EIF4G3: variants seen among roughly 807,000 people sequenced by gnomAD.
EIF4G3 encodes eIF-4-gamma 3.
In EIF4G3, 34 loss-of-function variants were observed where a neutral mutation model predicts 186.4. That is an observed-to-expected ratio of 0.18 (90% CI 0.14 to 0.24). The LOEUF is 0.24. EIF4G3 is among the 10% of genes least tolerant of loss of function. The pLI is 1.00. For synonymous variants in EIF4G3, 673 were observed against 679.5 expected, an observed-to-expected ratio of 0.99 and a Z score of 0.15; for missense variants, 1,536 against 1,948.5, an observed-to-expected ratio of 0.79 and a Z score of 3.99.
At chr1:20,943,724 C>T (rs889035968) in intron 13 of EIF4G3, among the ~76,000 whole-genome samples, 2 of 152,126 alleles carry the variant, frequency 1.3e-5, no homozygotes, top group Admixed American at 6.5e-5. Context: ...AGCAAATATG[C>T]AGTTTATCAG....
intron 4 of EIF4G3, among the ~76,000 whole-genome samples, chr1:21,047,165 C>G (rs965214768): frequency 6.6e-6 from 1 of 151,992 alleles, no homozygotes; most frequent in African/African-American, 2.4e-5. Context: ...GCCTATAATC[C>G]CTTCCCCTCT....
At chr1:21,039,577 C>A (rs2093440160) in intron 4 of EIF4G3, among the ~76,000 whole-genome samples, 1 of 152,122 alleles carries the variant, frequency 6.6e-6, no homozygotes, top group African/African-American at 2.4e-5. Flanking sequence ...CTGGGGGGAT[C>A]CCTTGTATCC....
chr1:21,172,635 G>A (rs1013711333), intron 2 of EIF4G3, among the ~76,000 whole-genome samples: 15 of 152,082 alleles, frequency 9.9e-5, no homozygotes, highest in Admixed American at 7.2e-4. Flanking sequence ...TGCAATCTCC[G>A]CCTCGCGGGT....
At chr1:20,936,928 G>A (rs1488390092) in intron 14 of EIF4G3, among the ~76,000 whole-genome samples, 1 of 152,174 alleles carries the variant, frequency 6.6e-6, no homozygotes, top group Non-Finnish European at 1.5e-5. Context: ...TACAGAATCT[G>A]GAAACCCTTC....
intron 2 of EIF4G3, among the ~76,000 whole-genome samples, chr1:21,131,658 G>A (rs9426652): frequency 0.44 from 66,140 of 151,946 alleles, 14,748 homozygotes; most frequent in Non-Finnish European, 0.47. Flanking sequence ...GAAGCAATAC[G>A]AGTCAGAAAA....
chr1:20,813,281 C>A, intron 34 of EIF4G3, 42 bp from the exon 35 acceptor site: 2 of 1,455,754 alleles, frequency 1.4e-6, no homozygotes, highest in South Asian at 2.3e-5. Context: ...ATACCTTGCT[C>A]AGCCAGGCAC....
chr1:21,176,624 G>T, intron 1 of EIF4G3, 98 bp downstream of exon 1: 1 of 254,098 alleles, frequency 3.9e-6, no homozygotes, highest in Non-Finnish European at 7.4e-6. Flanking sequence ...AGCAGCAGCC[G>T]CCCCGCGGGC....
chr1:20,905,101 G>T, intron 14 of EIF4G3, 130 bp from the exon 15 acceptor site: 1 of 598,182 alleles, frequency 1.7e-6, no homozygotes, highest in Non-Finnish European at 2.8e-6. Flanking sequence ...CAAATAGTTG[G>T]CTGATCAAGT....
chr1:20,915,458 G>A (rs1280993392), intron 14 of EIF4G3, among the ~76,000 whole-genome samples: 1 of 148,118 alleles, frequency 6.8e-6, no homozygotes, highest in South Asian at 2.1e-4. Context: ...CAAACCCTCC[G>A]CCCCCGAAAA....
At chr1:20,893,495 G>A (rs779485864) in intron 18 of EIF4G3, 22 bp downstream of exon 18, 1 of 1,580,562 alleles carries the variant, frequency 6.3e-7, no homozygotes, top group Non-Finnish European at 8.7e-7. Flanking sequence ...AACTAAGTGA[G>A]TTGTAGGGAA....
Position 20,913,800 on chromosome 1 carries a change from A to ATT in EIF4G3, c.1664-8831_1664-8830dup, listed in dbSNP as rs68098768. Among the ~76,000 whole-genome samples, 651 of 75,670 alleles carry ATT rather than the reference A, an allele frequency of 8.6e-3. 3 individuals carry two copies. The highest frequency in any genetic ancestry group is 0.013 in the African/African-American group (244 of 19,172). The allele number at this position is 75,670 out of a possible 152,430, so 49.6% of individuals were successfully genotyped here. A position where few individuals can be genotyped will look rare whatever the true frequency, so the allele number is the denominator to read the frequency against. On this transcript the variant is annotated intron_variant, in intron 14 of 36. Transcript: ENST00000602326. The stretch of plus-strand genomic sequence containing the variant: ...ATGAAAGTTGAGGTCAATTATTAGA[A>ATT]TTTTTTTTTTTTTTTTTTTTTTTTG...
chr1:20,921,027 T>TA (rs1171741784), intron 14 of EIF4G3, among the ~76,000 whole-genome samples: 1 of 152,180 alleles, frequency 6.6e-6, no homozygotes, highest in Non-Finnish European at 1.5e-5. Flanking sequence ...GAACTGTTTA[T>TA]AAAAATTATG....
chr1:21,023,879 T>C (rs1208216017), intron 4 of EIF4G3, among the ~76,000 whole-genome samples: 2 of 133,606 alleles, frequency 1.5e-5, no homozygotes, highest in Non-Finnish European at 3.3e-5. Flanking sequence ...CCGCCCATCG[T>C]CTGAGATGTG....
chr1:21,046,580 C>T (rs1348277158), intron 4 of EIF4G3, among the ~76,000 whole-genome samples: 1 of 152,162 alleles, frequency 6.6e-6, no homozygotes, highest in Admixed American at 6.5e-5. Context: ...GAGTCACAGA[C>T]ATAGGTAGTT....
rs76362476 is a variant in EIF4G3 at position 21,040,713 on chromosome 1, C to T, written c.-67+10153G>A. Among the ~76,000 whole-genome samples the T allele has an allele frequency of 2.0e-5, 3 of 152,162 alleles. No individual in the cohort carries two copies. In the South Asian group the frequency reaches 6.2e-4, roughly 31 times the overall value. ...TGTTGTTATTACAGTTCTGTTAAAGCGAACTAAATATGGTCTGAGAAGGAC... is the reference window on the plus strand; with the variant it reads ...TGTTGTTATTACAGTTCTGTTAAAGTGAACTAAATATGGTCTGAGAAGGAC... On this transcript the variant is annotated intron_variant, in intron 4 of 36. Transcript: ENST00000602326.
At chr1:20,847,650 G>C (rs367971549) in intron 29 of EIF4G3, among the ~76,000 whole-genome samples, 2 of 152,198 alleles carry the variant, frequency 1.3e-5, no homozygotes, top group African/African-American at 4.8e-5. Context: ...CTACTTCCAT[G>C]CAAGAAAAAG....
chr1:21,097,651 G>C (rs2096407327), intron 2 of EIF4G3, among the ~76,000 whole-genome samples: 1 of 152,176 alleles, frequency 6.6e-6, no homozygotes, highest in African/African-American at 2.4e-5. Context: ...CAACCTGTAA[G>C]AAGGCCCACA....
intron 30 of EIF4G3, among the ~76,000 whole-genome samples, chr1:20,838,570 G>A (rs1020081935): frequency 6.6e-6 from 1 of 152,114 alleles, no homozygotes; most frequent in African/African-American, 2.4e-5. Flanking sequence ...TTTTAAAACT[G>A]GGAAACCATC....
chr1:20,817,831 C>T (rs779919000), intron 33 of EIF4G3, among the ~76,000 whole-genome samples: 29 of 151,986 alleles, frequency 1.9e-4, no homozygotes, highest in Admixed American at 4.6e-4. Flanking sequence ...CACACCACCA[C>T]ACTTGGCTAT....
Sources: gnomAD v4.1 joint callset for allele counts (sites outside exome capture counted in the v4.1 genomes callset) on GRCh38, gnomAD v4.1.1 for gene constraint, MANE v1.5 for transcripts, NCBI Gene and HGNC (gene_info 2026-07-23, HGNC 2026-07-21) for gene names.